DOCK1: variants seen among roughly 807,000 people sequenced by gnomAD.
DOCK1 encodes dedicator of cytokinesis 1, also known as dedicator of cytokinesis protein 1.
Under a neutral mutation model 262.7 loss-of-function variants are expected in DOCK1, and 138 were observed. The observed-to-expected ratio is 0.53, with a 90% CI of 0.46 to 0.61. DOCK1 has a LOEUF of 0.61. Among genes scored for constraint, DOCK1 ranks in the 20% least tolerant of loss-of-function variants. The pLI, the probability that DOCK1 is intolerant of heterozygous loss-of-function variation, is 0.00. For missense variants in DOCK1, 1,908 were observed against 2,370.7 expected (o/e 0.80, Z 4.05); for synonymous variants, 866 against 867.4 (o/e 1.00, Z 0.03).
intron 21 of DOCK1, among the ~76,000 whole-genome samples, chr10:127,044,688 G>A (rs1415593630): frequency 6.6e-6 from 1 of 152,140 alleles, no homozygotes; most frequent in Non-Finnish European, 1.5e-5. Context: ...CTCCGTGCTT[G>A]AATTTCAGAA....
chr10:127,020,716 C>T (rs2042355295), intron 13 of DOCK1, among the ~76,000 whole-genome samples: 1 of 152,142 alleles, frequency 6.6e-6, no homozygotes, highest in Admixed American at 6.6e-5. Context: ...TTGGGTGGGT[C>T]ATCTGCGTTC....
chr10:127,261,642 T>A (rs1482572394), intron 29 of DOCK1, among the ~76,000 whole-genome samples: 1 of 85,134 alleles, frequency 1.2e-5, no homozygotes, highest in Admixed American at 1.2e-4. Flanking sequence ...CATGTGTACC[T>A]GCATGTGTGT....
intron 1 of DOCK1, among the ~76,000 whole-genome samples, chr10:126,923,743 A>G (rs1227873409): frequency 1.3e-5 from 2 of 152,264 alleles, no homozygotes; most frequent in Middle Eastern, 3.4e-3. Context: ...CCCCCTCCCC[A>G]CTTCATACAC....
intron 29 of DOCK1, among the ~76,000 whole-genome samples, chr10:127,309,943 T>C (rs1590379225): frequency 6.6e-6 from 1 of 151,334 alleles, no homozygotes; most frequent in South Asian, 2.1e-4. Flanking sequence ...TGGCACGACC[T>C]CAGCTCACTG....
chr10:126,977,816 T>C (rs2038661869), intron 2 of DOCK1, 132 bp from the exon 3 acceptor site: 1 of 861,216 alleles, frequency 1.2e-6, no homozygotes, highest in Non-Finnish European at 1.9e-6. Flanking sequence ...AGCCTTAGGT[T>C]CACTGAAAAA....
At chr10:126,953,157 G>T (rs1461373818) in intron 1 of DOCK1, among the ~76,000 whole-genome samples, 3 of 151,764 alleles carry the variant, frequency 2.0e-5, no homozygotes, top group Non-Finnish European at 4.4e-5. Context: ...CGTAGTGTTG[G>T]TGGTGGTGGT....
chr10:127,416,910 G>A (rs1283884644), intron 44 of DOCK1, among the ~76,000 whole-genome samples: 1 of 33,874 alleles, frequency 3.0e-5, no homozygotes, highest in Non-Finnish European at 5.1e-5. Context: ...CAGGGTGCAC[G>A]TGGCTGGCCA....
At chr10:127,213,301 A>T (rs891250662) in intron 27 of DOCK1, among the ~76,000 whole-genome samples, 1 of 152,194 alleles carries the variant, frequency 6.6e-6, no homozygotes, top group African/African-American at 2.4e-5. Context: ...CAAGATGGGT[A>T]GTTTTTCTTT....
intron 1 of DOCK1, among the ~76,000 whole-genome samples, chr10:126,968,975 A>G (rs1351218428): frequency 6.6e-5 from 10 of 152,336 alleles, no homozygotes; most frequent in Non-Finnish European, 1.5e-5. Flanking sequence ...CTAGCTTTTG[A>G]TATTACAGAA....
At chr10:127,331,596 A>G (rs2062985935) in intron 29 of DOCK1, among the ~76,000 whole-genome samples, 1 of 152,034 alleles carries the variant, frequency 6.6e-6, no homozygotes, top group Non-Finnish European at 1.5e-5. Context: ...TTCAGTTTTT[A>G]AGTCTTCTCT....
At chr10:127,232,149 T>C (rs956385011) in intron 27 of DOCK1, among the ~76,000 whole-genome samples, 1 of 151,968 alleles carries the variant, frequency 6.6e-6, no homozygotes, top group Non-Finnish European at 1.5e-5. Flanking sequence ...GCAGACCTTT[T>C]AGTTCTGCAT....
rs376145835 is a variant in DOCK1, at chr10:127,110,353, T to C, written c.2622T>C (p.His874=). The change falls in exon 25 of 52, where the codon CAT becomes CAC. Residue 874 remains histidine, a splice_region_variant and synonymous_variant. Coordinates refer to ENST00000623213, the MANE Select transcript of DOCK1 (RefSeq NM_001290223.2). ...TCCACAGTGACCTCTTCACACAGCATGGTGAGTGGAACCCCAAGAATTATT... is the reference window on the plus strand; with the variant it reads ...TCCACAGTGACCTCTTCACACAGCACGGTGAGTGGAACCCCAAGAATTATT... The part of the protein sequence containing the change: ...EIVHSDLFTQ[H]DCREILLPMM... The C allele has an allele frequency of 6.0e-5, 97 of 1,609,820 alleles. No individual in the cohort carries two copies. The highest frequency in any genetic ancestry group is 7.9e-5 in the Non-Finnish European group (93 of 1,177,358).
At position 127,008,718 on chromosome 10, in the gene DOCK1, C is replaced by A; in HGVS notation, c.986-14C>A. Reference sequence around the variant, plus strand: ...TTTAAGCCAAAACAATCTCTGTTCTCTTTTTGTCTCCAGTGATGGATGTAA... The same window carrying A: ...TTTAAGCCAAAACAATCTCTGTTCTATTTTTGTCTCCAGTGATGGATGTAA... On this transcript the variant is annotated splice_polypyrimidine_tract_variant and intron_variant, in intron 10 of 51. Transcript: ENST00000623213. 6.3e-7 allele frequency: 1 copy of A among 1,576,832 alleles called. No homozygotes were observed. Among genetic ancestry groups the A allele is most frequent in the Non-Finnish European group, 8.6e-7 (1 of 1,158,974 alleles).
chr10:127,179,128 G>A (rs1403317863), intron 27 of DOCK1, among the ~76,000 whole-genome samples: 1 of 152,178 alleles, frequency 6.6e-6, no homozygotes, highest in Non-Finnish European at 1.5e-5. Flanking sequence ...TGAAAAATGT[G>A]TGTCTGAATA....
chr10:127,225,210 A>C (rs1296089433), intron 27 of DOCK1, among the ~76,000 whole-genome samples: 1 of 152,226 alleles, frequency 6.6e-6, no homozygotes, highest in East Asian at 1.9e-4. Flanking sequence ...GTAATTTTCT[A>C]AGTACTAAAC....
At chr10:127,324,158 A>G (rs965874308) in intron 29 of DOCK1, among the ~76,000 whole-genome samples, 1 of 152,188 alleles carries the variant, frequency 6.6e-6, no homozygotes, top group African/African-American at 2.4e-5. Flanking sequence ...GTGGGGGAGA[A>G]TCCGCTTCTG....
At chr10:126,986,457 G>A (rs2039394547) in intron 4 of DOCK1, among the ~76,000 whole-genome samples, 1 of 152,084 alleles carries the variant, frequency 6.6e-6, no homozygotes, top group Non-Finnish European at 1.5e-5. Context: ...ACAACCTGTG[G>A]GGCCAGCTAG....
At position 127,094,176 on chromosome 10, in the gene DOCK1, G is replaced by A. The variant is rs1380173554; in HGVS notation, c.2446-12055G>A. ...TCCGCAGCACTCCAGCCTGGGCGAC[G>A]GAGTGAGAACCTGTCTCAAAAACAG... On this transcript the variant is annotated intron_variant, in intron 23 of 51. Coordinates refer to ENST00000623213, the MANE Select transcript of DOCK1 (RefSeq NM_001290223.2). Among the ~76,000 whole-genome samples the A allele has an allele frequency of 3.3e-5, 5 of 152,246 alleles. No homozygotes were observed. In the East Asian group the frequency reaches 9.7e-4, roughly 29 times the overall value.
At chr10:127,106,383 G>A in intron 24 of DOCK1, 82 bp downstream of exon 24, 1 of 1,462,576 alleles carries the variant, frequency 6.8e-7, no homozygotes, top group Non-Finnish European at 9.3e-7. Context: ...GGGATGCTCA[G>A]GGTTCTGCCT....
Sources: allele counts gnomAD v4.1 joint callset (sites outside exome capture counted in the v4.1 genomes callset), GRCh38; gene constraint gnomAD v4.1.1; transcripts MANE v1.5; gene names NCBI Gene and HGNC (gene_info 2026-07-23, HGNC 2026-07-21).